The following XRCC4 variants were observed in gnomAD, a reference collection of about 807,000 sequenced individuals.
XRCC4 encodes DNA repair protein XRCC4.
In XRCC4, 28 loss-of-function variants were observed where a neutral mutation model predicts 39.1. That is an observed-to-expected ratio of 0.72 (90% CI 0.53 to 0.98). The LOEUF is 0.98. XRCC4 is among the 50% of genes least tolerant of loss of function. The probability of loss-of-function intolerance (pLI) is 0.00; values close to 1 mark genes in which losing one functional copy is unlikely to be tolerated. For synonymous variants in XRCC4, 123 were observed against 126.4 expected (o/e 0.97, Z 0.18); for missense variants, 350 against 376.4 (o/e 0.93, Z 0.58).
At chr5:83,117,265 A>G (rs1197458560) in intron 3 of XRCC4, among the ~76,000 whole-genome samples, 1 of 151,984 alleles carries the variant, frequency 6.6e-6, no homozygotes, top group Non-Finnish European at 1.5e-5. Context: ...AGCATTTGGA[A>G]CTCCTCATCT....
intron 3 of XRCC4, among the ~76,000 whole-genome samples, chr5:83,151,270 GT>G (rs1748688840): frequency 6.6e-6 from 1 of 152,054 alleles, no homozygotes; most frequent in South Asian, 2.1e-4. Flanking sequence ...TATATGAATA[GT>G]TTATAGTCTC....
intron 7 of XRCC4, among the ~76,000 whole-genome samples, chr5:83,308,463 T>A (rs1315472490): frequency 6.6e-6 from 1 of 152,188 alleles, no homozygotes; most frequent in Non-Finnish European, 1.5e-5. Context: ...AATAGAAATC[T>A]TATTTTATAC....
chr5:83,244,991 A>G (rs541855921), intron 6 of XRCC4, among the ~76,000 whole-genome samples: 3 of 152,196 alleles, frequency 2.0e-5, no homozygotes, highest in Non-Finnish European at 4.4e-5. Context: ...AAATATGCAT[A>G]TATATTACAA....
In XRCC4 at chr5:83,156,469, CAAAG is replaced by C. The variant is rs563076496; in HGVS notation, c.316-39297_316-39294del. On this transcript the variant is annotated intron_variant, in intron 3 of 7. Transcript: ENST00000396027. ...AATAAAATAAAATTTTCCTGATTGACAAAGAAAAAAGGACATTTTATTGTGATAA... is the reference window on the plus strand; with the variant it reads ...AATAAAATAAAATTTTCCTGATTGACAAAAAAGGACATTTTATTGTGATAA... Among the ~76,000 whole-genome samples the C allele has an allele frequency of 1.4e-3, 214 of 151,630 alleles. 1 individual carries two copies. The highest frequency in any genetic ancestry group is 2.4e-3 in the Non-Finnish European group (162 of 67,800).
intron 6 of XRCC4, among the ~76,000 whole-genome samples, chr5:83,246,560 A>C (rs1753108344): frequency 6.6e-6 from 1 of 152,154 alleles, no homozygotes; most frequent in African/African-American, 2.4e-5. Context: ...TTTATTAAAC[A>C]ATAATTTTTG....
intron 3 of XRCC4, among the ~76,000 whole-genome samples, chr5:83,144,476 C>T (rs1272793633): frequency 1.3e-5 from 2 of 151,428 alleles, no homozygotes; most frequent in Non-Finnish European, 2.9e-5. Context: ...ATGCATATAC[C>T]ATATTTTCTT....
At chr5:83,139,009 A>G (rs1279213122) in intron 3 of XRCC4, among the ~76,000 whole-genome samples, 1 of 152,184 alleles carries the variant, frequency 6.6e-6, no homozygotes, top group Non-Finnish European at 1.5e-5. Flanking sequence ...ATTCCATTAT[A>G]TAATTATAGT....
chr5:83,157,160 A>G (rs978441994), intron 3 of XRCC4, among the ~76,000 whole-genome samples: 2 of 152,166 alleles, frequency 1.3e-5, no homozygotes, highest in Admixed American at 1.3e-4. Context: ...CAAGTCTTCT[A>G]GCAGCCTATC....
chr5:83,161,458 C>A (rs1749209804), intron 3 of XRCC4, among the ~76,000 whole-genome samples: 1 of 152,040 alleles, frequency 6.6e-6, no homozygotes, highest in African/African-American at 2.4e-5. Context: ...GATGAATAAT[C>A]TAAATATAAG....
chr5:83,125,244 A>C (rs1747202800), intron 3 of XRCC4, among the ~76,000 whole-genome samples: 1 of 152,080 alleles, frequency 6.6e-6, no homozygotes, highest in African/African-American at 2.4e-5. Context: ...TGATCATTTT[A>C]TTAACAGGGT....
At chr5:83,362,294 C>CAAAAAAAAAAAAAAAAAA in the XRCC4 span, among the ~76,000 whole-genome samples, 7 of 73,168 alleles carry the variant, frequency 9.6e-5, no homozygotes, top group East Asian at 1.5e-3. Context: ...GCTATTTAGG[C>CAAAAAAAAAAAAAAAAAA]AAAAAAAAAA....
intron 7 of XRCC4, among the ~76,000 whole-genome samples, chr5:83,274,971 A>G (rs1027927537): frequency 2.0e-5 from 3 of 152,156 alleles, no homozygotes; most frequent in Non-Finnish European, 4.4e-5. Context: ...CTGTGTGGAA[A>G]ATGGATTTGG....
At chr5:83,244,821 A>G (rs573496919) in intron 6 of XRCC4, among the ~76,000 whole-genome samples, 34 of 152,306 alleles carry the variant, frequency 2.2e-4, no homozygotes, top group African/African-American at 7.9e-4. Context: ...GGCCTGCACA[A>G]ACTGTTGTCC....
At chr5:83,124,728 T>A (rs546267108) in intron 3 of XRCC4, among the ~76,000 whole-genome samples, 1 of 152,338 alleles carries the variant, frequency 6.6e-6, no homozygotes, top group African/African-American at 2.4e-5. Flanking sequence ...ATTGTCTGTG[T>A]GTACTTTTGT....
chr5:83,240,512 C>T (rs1001967786), intron 6 of XRCC4, among the ~76,000 whole-genome samples: 1 of 152,092 alleles, frequency 6.6e-6, no homozygotes, highest in East Asian at 1.9e-4. Flanking sequence ...CAATTGGAGG[C>T]ATTCTGACTT....
intron 6 of XRCC4, among the ~76,000 whole-genome samples, chr5:83,229,062 A>C (rs2112810330): frequency 6.6e-6 from 1 of 152,156 alleles, no homozygotes; most frequent in South Asian, 2.1e-4. Flanking sequence ...TAGCATCATA[A>C]CTAACTCCTA....
chr5:83,180,292 G>C (rs939899072), intron 3 of XRCC4, among the ~76,000 whole-genome samples: 1 of 152,234 alleles, frequency 6.6e-6, no homozygotes, highest in Admixed American at 6.5e-5. Flanking sequence ...GTATAGGAGA[G>C]AGTATTGTAA....
At chr5:83,184,784 C>T (rs1180277024) in intron 3 of XRCC4, among the ~76,000 whole-genome samples, 1 of 152,066 alleles carries the variant, frequency 6.6e-6, no homozygotes, top group East Asian at 1.9e-4. Flanking sequence ...CTCTGGAATG[C>T]TACTGTGTTA....
intron 6 of XRCC4, 51 bp downstream of exon 6, chr5:83,204,972 CTTAT>C: frequency 8.0e-7 from 1 of 1,251,096 alleles, no homozygotes. Context: ...ATTTGGGCTT[CTTAT>C]TCTAATGACA....
Sources: gnomAD v4.1 joint callset for allele counts (sites outside exome capture counted in the v4.1 genomes callset) on GRCh38, gnomAD v4.1.1 for gene constraint, MANE v1.5 for transcripts, NCBI Gene and HGNC (gene_info 2026-07-23, HGNC 2026-07-21) for gene names.